Variants in SP4 observed in about 807,000 individuals in gnomAD.
The protein encoded by SP4 is Sp4 transcription factor.
In SP4, 19 loss-of-function variants were observed where a neutral mutation model predicts 72.8. The observed-to-expected ratio is 0.26, with a 90% CI of 0.18 to 0.38. SP4 has a LOEUF of 0.38. Among genes scored for constraint, SP4 ranks in the 10% least tolerant of loss-of-function variants. SP4 has a pLI of 1.00. For synonymous variants in SP4, 395 were observed against 333.1 expected (o/e 1.19, Z -2.02); for missense variants, 1,008 against 926.3 (o/e 1.09, Z -1.14).
intron 3 of SP4, among the ~76,000 whole-genome samples, chr7:21,441,609 T>C (rs1253722391): frequency 6.6e-6 from 1 of 152,216 alleles, no homozygotes; most frequent in Non-Finnish European, 1.5e-5. Context: ...TGTTTCTTTG[T>C]AGATAAAAGT....
intron 4 of SP4, among the ~76,000 whole-genome samples, chr7:21,479,730 C>G (rs192450405): frequency 1.0e-3 from 156 of 152,280 alleles, no homozygotes; most frequent in Non-Finnish European, 1.5e-3. Context: ...CGGTTGCCAG[C>G]TTAACAATAT....
rs572281951 is a variant in SP4, at chr7:21,455,758, A to T, written c.1679-21321A>T. On this transcript the variant is annotated intron_variant, in intron 3 of 5. Transcript: ENST00000222584. ...TGGAACCAACCTTCATCTCTGTCTT[A>T]TGGGTCTCTTTTGTCTGCAGTCTTG... Among the ~76,000 whole-genome samples, 29 of 152,248 alleles carry T rather than the reference A, an allele frequency of 1.9e-4. No individual in the cohort carries two copies. The South Asian group carries it at 5.2e-3, about 27-fold the overall frequency.
intron 3 of SP4, among the ~76,000 whole-genome samples, chr7:21,459,455 C>T (rs1180760700): frequency 6.6e-6 from 1 of 152,102 alleles, no homozygotes; most frequent in African/African-American, 2.4e-5. Flanking sequence ...GCCAGCTTGC[C>T]ATGGTATATC....
chr7:21,459,007 T>A (rs1474880240), intron 3 of SP4, among the ~76,000 whole-genome samples: 1 of 152,242 alleles, frequency 6.6e-6, no homozygotes, highest in African/African-American at 2.4e-5. Context: ...CCCTAACAAC[T>A]GACAGGGCAT....
intron 3 of SP4, among the ~76,000 whole-genome samples, chr7:21,453,799 A>G (rs1400086463): frequency 6.6e-6 from 1 of 152,230 alleles, no homozygotes; most frequent in Non-Finnish European, 1.5e-5. Flanking sequence ...ATTTATGAAT[A>G]GTCTGAATAG....
chr7:21,504,053 G>A (rs1375639669), intron 5 of SP4, among the ~76,000 whole-genome samples: 1 of 152,126 alleles, frequency 6.6e-6, no homozygotes, highest in African/African-American at 2.4e-5. Context: ...GTAAACTGGG[G>A]CCTTAATACT....
rs547921858 is a variant in SP4, at chr7:21,453,074, G to A, written c.1678+22231G>A. On this transcript the variant is annotated intron_variant, in intron 3 of 5. Transcript: ENST00000222584. Reference sequence around the variant, plus strand: ...ATTACAGGTGTGAGCCACCGTGCCCGACCTACTCAATTGTTAAAAGCTGTA... The same window carrying A: ...ATTACAGGTGTGAGCCACCGTGCCCAACCTACTCAATTGTTAAAAGCTGTA... Among the ~76,000 whole-genome samples the A allele has an allele frequency of 9.9e-5, 15 of 152,218 alleles. No individual in the cohort carries two copies. The South Asian group carries it at 1.2e-3, about 13-fold the overall frequency.
chr7:21,428,176 T>TCCCCCCCCCCCCCCCCC lies in SP4; in HGVS notation c.-74_-73insCCCCCCCCCCCCCCCCC. ...ACCGCGGGCGGGCGGGACCGGCCTC[T>TCCCCCCCCCCCCCCCCC]CCTCCCGCCTCGCCCCCACCCCCAC... On this transcript the variant is annotated 5_prime_UTR_variant, in exon 1 of 6. Transcript: ENST00000222584. 1 of 718,778 alleles carries TCCCCCCCCCCCCCCCCC rather than the reference T, an allele frequency of 1.4e-6. No individual in the cohort carries two copies. Among genetic ancestry groups the TCCCCCCCCCCCCCCCCC allele is most frequent in the Non-Finnish European group, 2.5e-6 (1 of 396,142 alleles). 44.5% of individuals were successfully genotyped at this position (718,778 alleles called of 1,614,324 possible). A position where few individuals can be genotyped will look rare whatever the true frequency, so the allele number is the denominator to read the frequency against.
At chr7:21,466,272 T>A (rs2128404393) in intron 3 of SP4, among the ~76,000 whole-genome samples, 1 of 152,322 alleles carries the variant, frequency 6.6e-6, no homozygotes, top group African/African-American at 2.4e-5. Context: ...TAAATCTCAC[T>A]TCTATACTAA....
intron 5 of SP4, among the ~76,000 whole-genome samples, chr7:21,489,243 A>AT (rs927322210): frequency 2.6e-5 from 4 of 152,178 alleles, no homozygotes; most frequent in South Asian, 2.1e-4. Flanking sequence ...TGAAACTTCA[A>AT]TTTTTTTAAC....
chr7:21,491,085 A>G (rs1042927648), intron 5 of SP4, among the ~76,000 whole-genome samples: 5 of 152,210 alleles, frequency 3.3e-5, no homozygotes, highest in African/African-American at 7.2e-5. Flanking sequence ...AGATGTCAAG[A>G]TGATCTAGAT....
intron 4 of SP4, among the ~76,000 whole-genome samples, chr7:21,478,731 T>C (rs1453181234): frequency 6.6e-6 from 1 of 152,200 alleles, no homozygotes; most frequent in East Asian, 1.9e-4. Flanking sequence ...ATTGTCTCTT[T>C]ATATATTCTA....
intron 3 of SP4, among the ~76,000 whole-genome samples, chr7:21,451,425 T>C (rs535445801): frequency 3.3e-5 from 5 of 152,198 alleles, no homozygotes; most frequent in African/African-American, 4.8e-5. Flanking sequence ...CACATCTGAC[T>C]ACCTACTGTA....
Position 21,428,196 on chromosome 7 carries a change from CCCCA to C in SP4, c.-49_-46del. 1 of 1,018,236 alleles carries C rather than the reference CCCCA, an allele frequency of 9.8e-7. No individual in the cohort carries two copies. Among genetic ancestry groups the C allele is most frequent in the Non-Finnish European group, 1.5e-6 (1 of 679,850 alleles). 63.1% of individuals were successfully genotyped at this position (1,018,236 alleles called of 1,614,324 possible). On this transcript the variant is annotated 5_prime_UTR_variant, in exon 1 of 6. Transcript: ENST00000222584. ...GCCTCTCCTCCCGCCTCGCCCCCAC[CCCCA>C]CCCACCTCTATCCCAGTGTCTCCGT...
At chr7:21,502,828 A>G (rs1461348798) in intron 5 of SP4, among the ~76,000 whole-genome samples, 1 of 152,186 alleles carries the variant, frequency 6.6e-6, no homozygotes, top group Admixed American at 6.5e-5. Flanking sequence ...ATCGCCCTAC[A>G]GGGTCTTTCC....
chr7:21,510,640 CA>C (rs1456818113), intron 5 of SP4, among the ~76,000 whole-genome samples: 3 of 152,138 alleles, frequency 2.0e-5, no homozygotes, highest in Non-Finnish European at 4.4e-5. Flanking sequence ...CCCAGGTTAG[CA>C]GTTTTGAAGA....
Position 21,430,633 on chromosome 7 carries a change from T to C in SP4, c.1468T>C (p.Leu490=). The part of the protein sequence containing the change: ...LSNLQVQNAG[L]SQQLTITPVS... Reference sequence around the variant, plus strand: ...AAATTTGCAAGTTCAGAATGCTGGGTTATCCCAACAATTAACCATCACCCC... The same window carrying C: ...AAATTTGCAAGTTCAGAATGCTGGGCTATCCCAACAATTAACCATCACCCC... Residue 490 remains leucine, a synonymous_variant, in exon 3 of 6, where the codon TTA becomes CTA. Transcript: ENST00000222584. 1 of 1,614,226 alleles carries C rather than the reference T, an allele frequency of 6.2e-7. No individual in the cohort carries two copies. Among genetic ancestry groups the C allele is most frequent in the Non-Finnish European group, 8.5e-7 (1 of 1,180,042 alleles).
chr7:21,429,662 A>G lies in SP4; in HGVS notation c.497A>G (p.Gln166Arg), dbSNP rs1782765735. 6.2e-7 allele frequency: 1 copy of G among 1,614,164 alleles called. No homozygotes were observed. The highest frequency in any genetic ancestry group is 8.5e-7 in the Non-Finnish European group (1 of 1,179,990). The change falls in exon 3 of 6, where the codon CAA (glutamine) becomes CGA (arginine). Residue 166 changes from glutamine (Q) to arginine (R), a missense_variant. Transcript: ENST00000222584. ...AATCCAAGTGGTAGTGTACAGTACC[A>G]AGTAATTCCACAACTTCAGACAGTG... is the stretch of plus-strand genomic sequence containing the variant. ...VQNPSGSVQY[Q>R]VIPQLQTVEG...
Position 21,477,212 on chromosome 7 carries a change from G to A in SP4, c.1812G>A (p.Gln604=). 6.2e-7 allele frequency: 1 copy of A among 1,614,226 alleles called. No individual in the cohort carries two copies. The highest frequency in any genetic ancestry group is 8.5e-7 in the Non-Finnish European group (1 of 1,180,032). Residue 604 remains glutamine, a synonymous_variant, in exon 4 of 6, where the codon CAG becomes CAA. Transcript: ENST00000222584. ...SPDQLTQVHL[Q]QGQQTSDQEV... Reference sequence around the variant, plus strand: ...ACCAACTCACACAAGTGCATTTGCAGCAAGGCCAGCAGACTTCTGATCAAG... The same window carrying A: ...ACCAACTCACACAAGTGCATTTGCAACAAGGCCAGCAGACTTCTGATCAAG...
Sources: allele counts gnomAD v4.1 joint callset (sites outside exome capture counted in the v4.1 genomes callset), GRCh38; gene constraint gnomAD v4.1.1; transcripts MANE v1.5; gene names NCBI Gene and HGNC (gene_info 2026-07-23, HGNC 2026-07-21).